PRC1: variants seen among roughly 807,000 people sequenced by gnomAD.
PRC1 encodes the protein protein regulator of cytokinesis 1, also known as anaphase spindle elongation 1 homolog.
In PRC1, 54 loss-of-function variants were observed where a neutral mutation model predicts 91.2. The ratio of observed to expected loss-of-function variants is 0.59; its 90% CI spans 0.48 to 0.74. The LOEUF (loss-of-function observed/expected upper bound fraction) is 0.74. Among genes scored for constraint, PRC1 ranks in the 30% least tolerant of loss-of-function variants. The pLI, the probability that PRC1 is intolerant of heterozygous loss-of-function variation, is 0.00. For missense variants in PRC1, 727 were observed against 746.2 expected, an observed-to-expected ratio of 0.97 and a Z score of 0.30; for synonymous variants, 275 against 263.6, an observed-to-expected ratio of 1.04 and a Z score of -0.42.
chr15:90,978,810 C>A (rs1018569539), intron 8 of PRC1, among the ~76,000 whole-genome samples: 1 of 148,942 alleles, frequency 6.7e-6, no homozygotes, highest in Non-Finnish European at 1.5e-5. Context: ...TAGCAGCCAT[C>A]CTGGCCCTGA....
chr15:90,968,885 T>G (rs2037788415), intron 14 of PRC1, 194 bp downstream of exon 14: 2 of 1,396,760 alleles, frequency 1.4e-6, no homozygotes, highest in Admixed American at 5.8e-5. Flanking sequence ...CCAATTCAAG[T>G]CTGAACAAAT....
chr15:90,970,314 A>G, intron 12 of PRC1, 90 bp downstream of exon 12: 1 of 936,818 alleles, frequency 1.1e-6, no homozygotes, highest in Non-Finnish European at 1.7e-6. Context: ...AAATCCAGGG[A>G]TCTTAGAATC....
chr15:90,985,458 C>T (rs1009400849), intron 1 of PRC1, among the ~76,000 whole-genome samples: 4 of 151,782 alleles, frequency 2.6e-5, no homozygotes, highest in Admixed American at 6.6e-5. Flanking sequence ...CTTGAATTCC[C>T]GGCCTCAAGT....
At chr15:90,977,708 C>T (rs990279124) in intron 8 of PRC1, among the ~76,000 whole-genome samples, 3 of 151,602 alleles carry the variant, frequency 2.0e-5, no homozygotes, top group Non-Finnish European at 4.4e-5. Context: ...CTCAGCCTCC[C>T]GAGTAGCTGG....
At chr15:90,985,149 T>G (rs1662966466) in intron 1 of PRC1, among the ~76,000 whole-genome samples, 1 of 151,862 alleles carries the variant, frequency 6.6e-6, no homozygotes, top group Non-Finnish European at 1.5e-5. Context: ...GTTGGTAAAA[T>G]AAACTAACAC....
At chr15:90,992,894 A>G (rs773982827) in intron 1 of PRC1, among the ~76,000 whole-genome samples, 2 of 151,688 alleles carry the variant, frequency 1.3e-5, no homozygotes, top group Admixed American at 6.6e-5. Flanking sequence ...CCACTGCCCT[A>G]TTTTTTCTTA....
intron 11 of PRC1, among the ~76,000 whole-genome samples, chr15:90,972,202 AAAC>A (rs869069940): frequency 1.2e-4 from 17 of 144,834 alleles, no homozygotes; most frequent in African/African-American, 4.0e-4. Flanking sequence ...AAAAAAAAAA[AAAC>A]ACCACCAACA....
At chr15:90,991,812 G>A (rs2039997924) in intron 1 of PRC1, among the ~76,000 whole-genome samples, 1 of 152,058 alleles carries the variant, frequency 6.6e-6, no homozygotes. Context: ...TGGTCTCCCG[G>A]CTTCGAAGCT....
intron 1 of PRC1, chr15:90,987,497 ATTAT>A (rs1351838420): frequency 6.6e-6 from 1 of 152,220 alleles, no homozygotes; most frequent in Non-Finnish European, 1.5e-5. Flanking sequence ...TTAACAAAAA[ATTAT>A]TTATCTAAAA....
intron 1 of PRC1, among the ~76,000 whole-genome samples, chr15:90,992,530 A>C (rs1402811106): frequency 1.3e-5 from 2 of 152,216 alleles, no homozygotes; most frequent in African/African-American, 4.8e-5. Context: ...CTGGGATTAC[A>C]GGTGTGAGCC....
intron 9 of PRC1, 23 bp downstream of exon 9, chr15:90,976,653 A>G (rs778101209): frequency 7.7e-6 from 12 of 1,564,822 alleles, no homozygotes; most frequent in South Asian, 4.6e-5. Flanking sequence ...CCAAGCATCA[A>G]AAACCCTTAG....
rs181459143 is a variant in PRC1 at position 90,974,335 on chromosome 15, C to T, written c.1351-89G>A. 1.6e-3 allele frequency: 1,912 copies of T among 1,218,092 alleles called. 41 individuals carry two copies. The Admixed American group carries it at 0.028, about 18-fold the overall frequency. 75.5% of individuals were successfully genotyped at this position (1,218,092 alleles called of 1,614,324 possible). A position where few individuals can be genotyped will look rare whatever the true frequency, so the allele number is the denominator to read the frequency against. The stretch of plus-strand genomic sequence containing the variant: ...AGCAGCAGGGCCGGGAATCTAGGCC[C>T]GTGTCTCTACAGCCAGAGCTAAAGA... On this transcript the variant is annotated intron_variant, in intron 10 of 14. Transcript: ENST00000394249. This position sits in a 1 kb window ranked among gnomAD's most constrained non-coding sequence, Gnocchi z 4.6.
chr15:90,975,129 A>AC (rs200211508), intron 9 of PRC1, among the ~76,000 whole-genome samples: 108 of 152,242 alleles, frequency 7.1e-4, no homozygotes, highest in African/African-American at 2.6e-3. Context: ...TTTTTTTGAG[A>AC]CAGTCTCACT....
In PRC1 at chr15:90,966,585, C is replaced by G. The variant is rs928730188; in HGVS notation, c.*546G>C. On this transcript the variant is annotated 3_prime_UTR_variant, in exon 15 of 15. Coordinates refer to ENST00000394249, the MANE Select transcript of PRC1 (RefSeq NM_003981.4). ...GCTGCTCCCAGCCTTCCTGTCACCT[C>G]TTTGGCAGTAGGGCAGGCCATCTCA... The G allele has an allele frequency of 2.2e-6, 1 of 456,156 alleles. No homozygotes were observed. The highest frequency in any genetic ancestry group is 4.4e-6 in the Non-Finnish European group (1 of 226,842). 28.3% of individuals were successfully genotyped at this position (456,156 alleles called of 1,614,324 possible).
Position 90,980,994 on chromosome 15 carries a change from C to T in PRC1, c.712G>A (p.Gly238Arg), listed in dbSNP as rs2039149759. The T allele has an allele frequency of 6.2e-7, 1 of 1,614,144 alleles. No individual in the cohort carries two copies. The highest frequency in any genetic ancestry group is 8.5e-7 in the Non-Finnish European group (1 of 1,180,030). ...AGCTCTCGGATTTGAGTACGCAGCC[C>T]CTCACACACTGCTTCATTTTGTGAT... ...QKSQNEAVCE[G>R]LRTQIRELWD... Residue 238 changes from glycine to arginine, a missense_variant, in exon 6 of 15, where the codon GGG becomes AGG. Physicochemically the swap from Gly to Arg is moderately radical, Grantham distance 125. Transcript: ENST00000394249.
chr15:90,989,748 ATAT>A (rs2039847770), intron 1 of PRC1, among the ~76,000 whole-genome samples: 1 of 152,244 alleles, frequency 6.6e-6, no homozygotes, highest in South Asian at 2.1e-4. Context: ...ATACAATGGA[ATAT>A]TATTTGGCAA....
intron 14 of PRC1, chr15:90,967,975 T>G: frequency 1.0e-6 from 1 of 985,270 alleles, no homozygotes; most frequent in Non-Finnish European, 1.2e-6. Flanking sequence ...TGCTGGTGAT[T>G]TGATCTCATG....
intron 1 of PRC1, among the ~76,000 whole-genome samples, chr15:90,989,252 TG>T (rs1194916848): frequency 6.6e-6 from 1 of 151,946 alleles, no homozygotes; most frequent in Non-Finnish European, 1.5e-5. Context: ...GTTCCTCAAT[TG>T]ATTTTTTGTT....
intron 5 of PRC1, 24 bp from the exon 6 acceptor site, chr15:90,981,057 A>G: frequency 6.2e-7 from 1 of 1,613,156 alleles, no homozygotes; most frequent in Non-Finnish European, 8.5e-7. Context: ...AGCCAGTGTC[A>G]CTCACGGCAA....
Sources: gnomAD v4.1 joint callset for allele counts (sites outside exome capture counted in the v4.1 genomes callset) on GRCh38, gnomAD v4.1.1 for gene constraint, Gnocchi (gnomAD v3.1) non-coding constraint, MANE v1.5 for transcripts, NCBI Gene and HGNC (gene_info 2026-07-23, HGNC 2026-07-21) for gene names.